The following PRKN variants were observed in gnomAD, a reference collection of about 807,000 sequenced individuals.
PRKN encodes parkin RBR E3 ubiquitin protein ligase.
PRKN carries 56 observed loss-of-function variants against 59.5 expected under a neutral mutation model. The ratio of observed to expected loss-of-function variants is 0.94; its 90% CI spans 0.76 to 1.18. The LOEUF (loss-of-function observed/expected upper bound fraction) is 1.18. Ranked by LOEUF, PRKN falls within the 50% of genes most tolerant of loss-of-function variation. PRKN has a pLI of 0.00. For synonymous variants in PRKN, 250 were observed against 222.1 expected, an observed-to-expected ratio of 1.13 and a Z score of -1.12; for missense variants, 657 against 596.4, an observed-to-expected ratio of 1.10 and a Z score of -1.06.
chr6:161,877,353 G>C lies in PRKN; in HGVS notation c.735-91445C>G, dbSNP rs74908302. On this transcript the variant is annotated intron_variant, in intron 6 of 11. Transcript: ENST00000366898. ...CAGAGCTCTCACCACTGCCCTCCAT[G>C]GCCCCTCCAGGGAAACACCTCTCCA... 2.2e-3 allele frequency among the ~76,000 whole-genome samples: 337 copies of C among 152,252 alleles called. 10 individuals carry two copies. The East Asian group carries it at 0.046, about 21-fold the overall frequency.
chr6:162,597,239 G>T (rs1445957262), intron 1 of PRKN, among the ~76,000 whole-genome samples: 1 of 151,554 alleles, frequency 6.6e-6, no homozygotes. Flanking sequence ...TATTTTTTTA[G>T]AATATGTGGA....
In PRKN at chr6:162,431,335, G is replaced by C. The variant is rs530413923; in HGVS notation, c.171+11975C>G. Among the ~76,000 whole-genome samples, 24 of 152,182 alleles carry C rather than the reference G, an allele frequency of 1.6e-4. No individual in the cohort carries two copies. The South Asian group carries it at 3.7e-3, about 24-fold the overall frequency. ...TCAATGCGCACAGAAACTTAAGGAG[G>C]GGCCAATGTGATACGCGAACTGTTG... On this transcript the variant is annotated intron_variant, in intron 2 of 11. Coordinates refer to ENST00000366898, the MANE Select transcript of PRKN (RefSeq NM_004562.3).
At chr6:162,587,593 T>C (rs1212371617) in intron 1 of PRKN, among the ~76,000 whole-genome samples, 1 of 152,148 alleles carries the variant, frequency 6.6e-6, no homozygotes, top group Non-Finnish European at 1.5e-5. Flanking sequence ...TAAATATATT[T>C]ATGATAATAT....
intron 1 of PRKN, among the ~76,000 whole-genome samples, chr6:162,547,215 G>A (rs1779156793): frequency 6.6e-6 from 1 of 152,030 alleles, no homozygotes; most frequent in Admixed American, 6.6e-5. Flanking sequence ...CCAAGAACTA[G>A]AATAAACCAG....
At chr6:162,188,395 C>T (rs1348104025) in intron 4 of PRKN, among the ~76,000 whole-genome samples, 1 of 152,124 alleles carries the variant, frequency 6.6e-6, no homozygotes, top group Non-Finnish European at 1.5e-5. Flanking sequence ...TCATTTCCAA[C>T]CCTGCCTCTT....
chr6:162,001,677 C>T (rs1782061969), intron 5 of PRKN, among the ~76,000 whole-genome samples: 1 of 151,806 alleles, frequency 6.6e-6, no homozygotes, highest in African/African-American at 2.4e-5. Flanking sequence ...TTAGGCCTTC[C>T]AGTAAAATGC....
chr6:161,623,136 T>C (rs929580998), intron 7 of PRKN, among the ~76,000 whole-genome samples: 1 of 152,210 alleles, frequency 6.6e-6, no homozygotes, highest in South Asian at 2.1e-4. Context: ...TACAAAGCCA[T>C]AGTTAACACT....
chr6:162,122,758 C>CTATG (rs1049390497), intron 4 of PRKN, among the ~76,000 whole-genome samples: 1 of 148,628 alleles, frequency 6.7e-6, no homozygotes, highest in Non-Finnish European at 1.5e-5. Context: ...ATCTATCTAT[C>CTATG]TCTGATATAT....
At chr6:162,308,207 G>A (rs1025449739) in intron 2 of PRKN, among the ~76,000 whole-genome samples, 6 of 152,164 alleles carry the variant, frequency 3.9e-5, no homozygotes, top group African/African-American at 1.2e-4. Flanking sequence ...TTTCCTGATC[G>A]ATGAAATGCA....
At chr6:162,527,243 T>C (rs1778323274) in intron 1 of PRKN, among the ~76,000 whole-genome samples, 1 of 152,110 alleles carries the variant, frequency 6.6e-6, no homozygotes, top group Non-Finnish European at 1.5e-5. Flanking sequence ...TAACTGAGTA[T>C]CCACAGCTCA....
intron 2 of PRKN, among the ~76,000 whole-genome samples, chr6:162,282,128 C>T (rs1051331441): frequency 6.6e-6 from 1 of 152,138 alleles, no homozygotes; most frequent in Non-Finnish European, 1.5e-5. Context: ...TCTGGCGCCA[C>T]GGGGGTTGGA....
chr6:161,966,355 G>C (rs545872344), intron 6 of PRKN, among the ~76,000 whole-genome samples: 2 of 150,946 alleles, frequency 1.3e-5, no homozygotes, highest in East Asian at 3.9e-4. Flanking sequence ...AAAAAATTTA[G>C]AAAACTGGCA....
Position 161,378,703 on chromosome 6 carries a change from G to A in PRKN, c.1167+8091C>T, listed in dbSNP as rs548660607. ...ACTGCCCAGAAGCTGTTGACCTGAT[G>A]AGACGGATGGACCAGGCTTGCACGA... On this transcript the variant is annotated intron_variant, in intron 10 of 11. Transcript: ENST00000366898. This position sits in a 1 kb window ranked among gnomAD's most constrained non-coding sequence, Gnocchi z 7.3. 1.6e-4 allele frequency among the ~76,000 whole-genome samples: 24 copies of A among 152,354 alleles called. No individual in the cohort carries two copies. The highest frequency in any genetic ancestry group is 5.8e-4 in the African/African-American group (24 of 41,586).
At chr6:162,158,557 G>T (rs1393791082) in intron 4 of PRKN, among the ~76,000 whole-genome samples, 1 of 151,808 alleles carries the variant, frequency 6.6e-6, no homozygotes, top group Admixed American at 6.6e-5. Flanking sequence ...TCATCCTCCA[G>T]AGTAGCTGGG....
At chr6:162,609,226 T>C (rs1782041347) in intron 1 of PRKN, among the ~76,000 whole-genome samples, 1 of 152,184 alleles carries the variant, frequency 6.6e-6, no homozygotes, top group Non-Finnish European at 1.5e-5. Context: ...CAGGACTAAC[T>C]TGAGCTCAAG....
chr6:161,434,045 C>T (rs1021364046), intron 9 of PRKN, among the ~76,000 whole-genome samples: 1 of 151,912 alleles, frequency 6.6e-6, no homozygotes, highest in East Asian at 1.9e-4. Context: ...TTATAACACT[C>T]CAGGAGTTTC....
At chr6:162,035,810 T>A (rs895454690) in intron 5 of PRKN, among the ~76,000 whole-genome samples, 1 of 152,200 alleles carries the variant, frequency 6.6e-6, no homozygotes, top group African/African-American at 2.4e-5. Context: ...GGAAACATGT[T>A]TTATTCAATA....
At chr6:161,481,753 A>T (rs1161623406) in intron 9 of PRKN, among the ~76,000 whole-genome samples, 2 of 152,122 alleles carry the variant, frequency 1.3e-5, no homozygotes, top group Non-Finnish European at 2.9e-5. Context: ...AAATCCTATC[A>T]CTCTGTTTGA....
intron 1 of PRKN, among the ~76,000 whole-genome samples, chr6:162,697,180 G>A (rs1207802485): frequency 6.6e-6 from 1 of 151,824 alleles, no homozygotes; most frequent in Non-Finnish European, 1.5e-5. Flanking sequence ...TTGGATGACT[G>A]GTATAACAGA....
Sources: gnomAD v4.1 joint callset for allele counts (sites outside exome capture counted in the v4.1 genomes callset) on GRCh38, gnomAD v4.1.1 for gene constraint, Gnocchi (gnomAD v3.1) non-coding constraint, MANE v1.5 for transcripts, NCBI Gene and HGNC (gene_info 2026-07-23, HGNC 2026-07-21) for gene names.